The following PVALB variants were observed in gnomAD, a reference collection of about 807,000 sequenced individuals.
The protein encoded by PVALB is parvalbumin alpha.
Under a neutral mutation model 10.9 loss-of-function variants are expected in PVALB, and 11 were observed. The ratio of observed to expected loss-of-function variants is 1.01; its 90% CI spans 0.63 to 1.67. PVALB has a LOEUF of 1.67. Ranked by LOEUF, PVALB falls within the 40% of genes most tolerant of loss-of-function variation. The probability of loss-of-function intolerance (pLI) is 0.00; values close to 1 mark genes in which losing one functional copy is unlikely to be tolerated. For missense variants in PVALB, 131 were observed against 136.2 expected, an observed-to-expected ratio of 0.96 and a Z score of 0.19; for synonymous variants, 57 against 50.7, an observed-to-expected ratio of 1.12 and a Z score of -0.53.
chr22:36,814,773 C>G (rs1939110231), intron 2 of PVALB, among the ~76,000 whole-genome samples: 2 of 152,162 alleles, frequency 1.3e-5, no homozygotes, highest in South Asian at 2.1e-4. Flanking sequence ...ATGCTTTCTG[C>G]CCTGCCTATG....
At chr22:36,801,617 T>G (rs1272033925) in intron 3 of PVALB, among the ~76,000 whole-genome samples, 2 of 152,124 alleles carry the variant, frequency 1.3e-5, no homozygotes, top group Non-Finnish European at 2.9e-5. Context: ...CTGGCCAACA[T>G]GGTAAAACCC....
chr22:36,817,292 G>A (rs1049343289), upstream of PVALB: 12 of 285,120 alleles, frequency 4.2e-5, no homozygotes, highest in Non-Finnish European at 7.8e-5. Flanking sequence ...CAGGGCACGA[G>A]GGAAGGGGCC....
chr22:36,809,003 G>T (rs1555910945), intron 3 of PVALB, among the ~76,000 whole-genome samples: 2 of 152,136 alleles, frequency 1.3e-5, no homozygotes, highest in Non-Finnish European at 2.9e-5. Context: ...AATGCAAAGG[G>T]TTATTATTAG....
intron 3 of PVALB, among the ~76,000 whole-genome samples, chr22:36,802,623 A>AAAAAAAAAAG (rs1555910493): frequency 2.5e-5 from 3 of 119,122 alleles, no homozygotes; most frequent in African/African-American, 7.5e-5. Context: ...AAAAAAAAAA[A>AAAAAAAAAAG]AAAGAAAGAA....
At chr22:36,816,086 G>A (rs887182496) in intron 1 of PVALB, among the ~76,000 whole-genome samples, 3 of 151,848 alleles carry the variant, frequency 2.0e-5, no homozygotes, top group African/African-American at 7.3e-5. Context: ...GGGAATGGCT[G>A]TTGAAGTCAT....
chr22:36,804,708 G>A (rs1167306069), intron 3 of PVALB, among the ~76,000 whole-genome samples: 1 of 152,160 alleles, frequency 6.6e-6, no homozygotes, highest in African/African-American at 2.4e-5. Context: ...GGCTGAGGTG[G>A]GCAGATCACA....
Position 36,815,073 on chromosome 22 carries a change from G to A in PVALB, c.194+30C>T, listed in dbSNP as rs200105345. 1.1e-4 allele frequency: 182 copies of A among 1,613,186 alleles called. 1 individual carries two copies. In the African/African-American group the frequency reaches 1.3e-3, roughly 11 times the overall value. On this transcript the variant is annotated intron_variant, in intron 2 of 3. Transcript: ENST00000417718. ...CCCACTCCCTCTCGTGCAGCCGTGGGCTGGGCAGCCCCTGCAGGCCTCCGC... is the reference window on the plus strand; with the variant it reads ...CCCACTCCCTCTCGTGCAGCCGTGGACTGGGCAGCCCCTGCAGGCCTCCGC...
chr22:36,800,817 G>C lies in PVALB; in HGVS notation c.*73C>G. 2.7e-6 allele frequency: 4 copies of C among 1,481,126 alleles called. No individual in the cohort carries two copies. The highest frequency in any genetic ancestry group is 3.8e-6 in the Non-Finnish European group (4 of 1,059,060). 91.7% of individuals were successfully genotyped at this position (1,481,126 alleles called of 1,614,324 possible). A position where few individuals can be genotyped will look rare whatever the true frequency, so the allele number is the denominator to read the frequency against. On this transcript the variant is annotated 3_prime_UTR_variant, in exon 4 of 4. Transcript: ENST00000417718. The stretch of plus-strand genomic sequence containing the variant: ...CATAAACGAACTGAACAGAAATGCA[G>C]GAGGGTGGCGAGAGGGGCCGAGATT...
At chr22:36,814,978 G>C in intron 2 of PVALB, 125 bp downstream of exon 2, 1 of 1,294,362 alleles carries the variant, frequency 7.7e-7, no homozygotes. Context: ...CTTCACGCAC[G>C]GTTACTTTCT....
chr22:36,812,861 C>T (rs1335125492), intron 3 of PVALB, among the ~76,000 whole-genome samples: 1 of 152,244 alleles, frequency 6.6e-6, no homozygotes, highest in Non-Finnish European at 1.5e-5. Flanking sequence ...ATTTGCCCAC[C>T]TGCAAAATGG....
chr22:36,802,846 G>C (rs1938890812), intron 3 of PVALB, among the ~76,000 whole-genome samples: 1 of 152,072 alleles, frequency 6.6e-6, no homozygotes, highest in South Asian at 2.1e-4. Flanking sequence ...CTGGCTGAGT[G>C]GTAACAGCAG....
chr22:36,804,496 C>T (rs1394054637), intron 3 of PVALB, among the ~76,000 whole-genome samples: 1 of 152,202 alleles, frequency 6.6e-6, no homozygotes, highest in Non-Finnish European at 1.5e-5. Flanking sequence ...CAATAGGGGA[C>T]TTTGTAGATA....
At chr22:36,813,986 A>G (rs1939090097) in intron 2 of PVALB, among the ~76,000 whole-genome samples, 1 of 152,160 alleles carries the variant, frequency 6.6e-6, no homozygotes, top group Non-Finnish European at 1.5e-5. Context: ...GGTTGTCCTC[A>G]CTTCAGGGAG....
chr22:36,815,485 G>A (rs4820256), intron 1 of PVALB: 508,287 of 515,558 alleles, frequency 0.99, 250,580 homozygotes, highest in East Asian at 1. Flanking sequence ...CCGCCCCCAC[G>A]CCCCACCTCC....
At chr22:36,811,636 CTG>C in intron 3 of PVALB, 1 of 434,786 alleles carries the variant, frequency 2.3e-6, no homozygotes, top group South Asian at 1.7e-5. Flanking sequence ...GGTAGGTTTT[CTG>C]TGAGCAGTCA....
upstream of PVALB, among the ~76,000 whole-genome samples, chr22:36,817,841 C>A (rs1473044584): frequency 2.0e-5 from 3 of 152,034 alleles, no homozygotes; most frequent in Non-Finnish European, 4.4e-5. Flanking sequence ...TCCTATAAAC[C>A]TTTTTTGGGC....
chr22:36,806,198 A>G (rs1411416051), intron 3 of PVALB, among the ~76,000 whole-genome samples: 2 of 152,174 alleles, frequency 1.3e-5, no homozygotes, highest in East Asian at 1.9e-4. Flanking sequence ...CTCTTCTAAG[A>G]CATGAAAGGA....
At chr22:36,801,605 G>C (rs4820251) in intron 3 of PVALB, among the ~76,000 whole-genome samples, 1 of 152,078 alleles carries the variant, frequency 6.6e-6, no homozygotes, top group African/African-American at 2.4e-5. Context: ...TTTGAGACCA[G>C]CCTGGCCAAC....
intron 3 of PVALB, among the ~76,000 whole-genome samples, chr22:36,801,631 A>G (rs1410380958): frequency 1.3e-5 from 2 of 152,088 alleles, no homozygotes; most frequent in Admixed American, 6.6e-5. Flanking sequence ...AAAACCCTGT[A>G]TCTACTGAAA....
Sources: allele counts gnomAD v4.1 joint callset (sites outside exome capture counted in the v4.1 genomes callset), GRCh38; gene constraint gnomAD v4.1.1; transcripts MANE v1.5; gene names NCBI Gene and HGNC (gene_info 2026-07-23, HGNC 2026-07-21).